Variants in ANO2 observed in about 807,000 individuals in gnomAD.
The protein encoded by ANO2 is anoctamin 2, also known as anoctamin-2.
ANO2 carries 101 observed loss-of-function variants against 124.2 expected under a neutral mutation model. That is an observed-to-expected ratio of 0.81 (90% confidence interval 0.69 to 0.96). ANO2 has a LOEUF of 0.96. Ranked by LOEUF, ANO2 falls within the 40% of genes least tolerant of loss-of-function variation. The pLI, the probability that ANO2 is intolerant of heterozygous loss-of-function variation, is 0.00. For missense variants in ANO2, 1,293 were observed against 1,274.5 expected, an observed-to-expected ratio of 1.01 and a Z score of -0.22; for synonymous variants, 486 against 482.5, an observed-to-expected ratio of 1.01 and a Z score of -0.09.
chr12:5,852,330 G>A (rs904201972), intron 4 of ANO2, among the ~76,000 whole-genome samples: 32 of 152,288 alleles, frequency 2.1e-4, no homozygotes, highest in African/African-American at 6.7e-4. Flanking sequence ...AAGACACAGC[G>A]TATTCCTTGT....
rs200561749 is a variant in ANO2, at chr12:5,612,744, C to A, written c.1999G>T (p.Gly667Cys). Reference protein sequence around the residue: ...GYRMEECAPGGCLMELCIQLS... With the variant: ...GYRMEECAPGCCLMELCIQLS... ...TGAATGCAGAGCTCCATGAGACAGC[C>A]CCCTGGAGCACACTGCAGGGAGAAG... Residue 667 changes from glycine (G) to cysteine (C), a missense_variant, in exon 19 of 25, where the codon GGC becomes TGC. Transcript: ENST00000682330. The A allele has an allele frequency of 6.8e-5, 110 of 1,613,690 alleles. No homozygotes were observed. Among genetic ancestry groups the A allele is most frequent in the Non-Finnish European group, 8.9e-5 (105 of 1,179,866 alleles).
At position 5,739,302 on chromosome 12, in the gene ANO2, C is replaced by T. The variant is rs200338422; in HGVS notation, c.1434+15G>A. ...AGCCCACAGAAGTATGTGAGAAATA[C>T]GTGAGAGAACTCACTTCTTCCTCTT... On this transcript the variant is annotated intron_variant, in intron 13 of 24. Coordinates refer to ENST00000682330, the MANE Select transcript of ANO2 (RefSeq NM_001364791.2). 1.4e-5 allele frequency: 22 copies of T among 1,582,668 alleles called. No individual in the cohort carries two copies. Among genetic ancestry groups the T allele is most frequent in the South Asian group, 9.3e-5 (8 of 86,376 alleles).
intron 13 of ANO2, chr12:5,733,330 A>G (rs1458203114): frequency 3.9e-6 from 1 of 258,728 alleles, no homozygotes; most frequent in Non-Finnish European, 7.7e-6. Flanking sequence ...CACCTAACTA[A>G]TCCAGAGGAC....
chr12:5,628,669 T>A (rs1051619645), intron 16 of ANO2, among the ~76,000 whole-genome samples: 19 of 66,380 alleles, frequency 2.9e-4, no homozygotes, highest in African/African-American at 7.5e-4. Context: ...AAGCAGAGAG[T>A]GTGTGTGTGT....
At chr12:5,796,567 T>TCA (rs1183463774) in intron 10 of ANO2, among the ~76,000 whole-genome samples, 1 of 151,642 alleles carries the variant, frequency 6.6e-6, no homozygotes, top group Admixed American at 6.6e-5. Context: ...TCATACAGGC[T>TCA]CACACACACA....
chr12:5,817,614 A>C (rs1334152485), intron 7 of ANO2, among the ~76,000 whole-genome samples: 1 of 152,216 alleles, frequency 6.6e-6, no homozygotes, highest in Non-Finnish European at 1.5e-5. Flanking sequence ...TTGGGGAAAA[A>C]CACAGGCAGG....
chr12:5,770,564 C>T (rs1038163570), intron 10 of ANO2, among the ~76,000 whole-genome samples: 2 of 152,088 alleles, frequency 1.3e-5, no homozygotes, highest in East Asian at 1.9e-4. Context: ...CCTATAGACG[C>T]TACTTTCAAA....
chr12:5,775,563 G>A (rs775620274), intron 10 of ANO2, among the ~76,000 whole-genome samples: 28 of 150,340 alleles, frequency 1.9e-4, no homozygotes, highest in East Asian at 3.9e-4. Flanking sequence ...CCAGGTTCAC[G>A]TCATTCTCCT....
chr12:5,587,174 C>A (rs1943158323), intron 20 of ANO2, among the ~76,000 whole-genome samples: 1 of 152,192 alleles, frequency 6.6e-6, no homozygotes, highest in Non-Finnish European at 1.5e-5. Context: ...GTACGCCAGG[C>A]CTTGTGGTGA....
intron 14 of ANO2, among the ~76,000 whole-genome samples, chr12:5,730,543 A>C (rs367872033): frequency 6.6e-6 from 1 of 152,232 alleles, no homozygotes; most frequent in Non-Finnish European, 1.5e-5. Flanking sequence ...ATCCAAGACC[A>C]CCAGCTAGAA....
At position 5,723,209 on chromosome 12, in the gene ANO2, C is replaced by T. The variant is rs183307978; in HGVS notation, c.1545+9311G>A. Among the ~76,000 whole-genome samples, 424 of 152,322 alleles carry T rather than the reference C, an allele frequency of 2.8e-3. 1 individual carries two copies. Among genetic ancestry groups the T allele is most frequent in the African/African-American group, 9.8e-3 (408 of 41,578 alleles). On this transcript the variant is annotated intron_variant, in intron 14 of 24. Transcript: ENST00000682330. ...CCCTAACTGCCTCTGCTACCACCTC[C>T]CCAGAGTCCAGCTGCTCACAGTCCA... is the stretch of plus-strand genomic sequence containing the variant.
chr12:5,599,740 T>G, intron 19 of ANO2, 111 bp from the exon 20 acceptor site: 1 of 1,213,944 alleles, frequency 8.2e-7, no homozygotes, highest in South Asian at 1.4e-5. Context: ...CCATCTCTGA[T>G]CCAAAAACAA....
In ANO2 at chr12:5,922,589, T is replaced by TTGCC; in HGVS notation, c.207+30_207+31insGGCA. 6.2e-6 allele frequency: 9 copies of TTGCC among 1,449,804 alleles called. No homozygotes were observed. The African/African-American group carries it at 7.3e-5, about 12-fold the overall frequency. The allele number at this position is 1,449,804 out of a possible 1,614,324, so 89.8% of individuals were successfully genotyped here. A position where few individuals can be genotyped will look rare whatever the true frequency, so the allele number is the denominator to read the frequency against. On this transcript the variant is annotated intron_variant, in intron 2 of 24. Transcript: ENST00000682330. ...GGTGGCCTGCAACAGGGCTGGCCTA[T>TTGCC]CCCCCCACCCCACCCCCGCCCAGTA...
chr12:5,590,149 C>T (rs1320369777), intron 20 of ANO2, among the ~76,000 whole-genome samples: 1 of 152,196 alleles, frequency 6.6e-6, no homozygotes, highest in Non-Finnish European at 1.5e-5. Context: ...GGGCCACATA[C>T]GGCCCAGGAC....
chr12:5,857,368 C>A (rs1303960456), intron 3 of ANO2, among the ~76,000 whole-genome samples: 1 of 152,104 alleles, frequency 6.6e-6, no homozygotes, highest in Admixed American at 6.6e-5. Flanking sequence ...ATATTGATTT[C>A]TTTTCCTTTG....
chr12:5,801,583 C>G (rs1953039518), intron 9 of ANO2, among the ~76,000 whole-genome samples: 1 of 152,184 alleles, frequency 6.6e-6, no homozygotes, highest in African/African-American at 2.4e-5. Flanking sequence ...AAATGAGAAC[C>G]AGCGTTCTTG....
chr12:5,811,166 G>A (rs1407717104), intron 7 of ANO2, among the ~76,000 whole-genome samples: 1 of 152,270 alleles, frequency 6.6e-6, no homozygotes, highest in African/African-American at 2.4e-5. Flanking sequence ...TAGAGGAATG[G>A]TGCCATACTC....
chr12:5,684,252 C>T (rs1403896845), intron 14 of ANO2, among the ~76,000 whole-genome samples: 1 of 152,198 alleles, frequency 6.6e-6, no homozygotes, highest in Admixed American at 6.5e-5. Context: ...CAGCCTGGGT[C>T]ACAGCTAACA....
At chr12:5,851,827 G>A in intron 4 of ANO2, 1 of 683,304 alleles carries the variant, frequency 1.5e-6, no homozygotes, top group Middle Eastern at 2.4e-4. Context: ...AGACGGGAAG[G>A]AAAGCAAAGA....
Sources: gnomAD v4.1 joint callset for allele counts (sites outside exome capture counted in the v4.1 genomes callset) on GRCh38, gnomAD v4.1.1 for gene constraint, MANE v1.5 for transcripts, NCBI Gene and HGNC (gene_info 2026-07-23, HGNC 2026-07-21) for gene names.